The following NSUN6 variants were observed in gnomAD, a reference collection of about 807,000 sequenced individuals.
NSUN6 encodes the protein tRNA (cytosine(72)-C(5))-methyltransferase NSUN6.
A neutral mutation model predicts 58.0 loss-of-function variants in NSUN6; 64 were observed. The ratio of observed to expected loss-of-function variants is 1.10; its 90% CI spans 0.90 to 1.36. The LOEUF is 1.36. Ranked by LOEUF, NSUN6 falls within the 40% of genes most tolerant of loss-of-function variation. The pLI is 0.00. For missense variants in NSUN6, 701 were observed against 550.1 expected, an observed-to-expected ratio of 1.27 and a Z score of -2.74; for synonymous variants, 231 against 193.9, an observed-to-expected ratio of 1.19 and a Z score of -1.59.
intron 3 of NSUN6, among the ~76,000 whole-genome samples, chr10:18,630,890 C>G (rs1442730436): frequency 6.6e-6 from 1 of 151,998 alleles, no homozygotes; most frequent in Non-Finnish European, 1.5e-5. Flanking sequence ...GGAATCCTCC[C>G]TAACTCATTT....
chr10:18,623,823 TCA>T (rs1430043298), intron 3 of NSUN6, among the ~76,000 whole-genome samples: 3 of 152,278 alleles, frequency 2.0e-5, no homozygotes, highest in Admixed American at 6.5e-5. Flanking sequence ...GCTAAAGCCT[TCA>T]CAGAGAGCCT....
chr10:18,561,452 T>C (rs1286556150), intron 8 of NSUN6, among the ~76,000 whole-genome samples: 1 of 94,560 alleles, frequency 1.1e-5, no homozygotes, highest in East Asian at 7.6e-4. Context: ...GAATGGAGAA[T>C]GGAATGGAAT....
chr10:18,611,229 C>T (rs1167912179), intron 5 of NSUN6, among the ~76,000 whole-genome samples: 1 of 152,024 alleles, frequency 6.6e-6, no homozygotes, highest in South Asian at 2.1e-4. Flanking sequence ...AAAATCATAA[C>T]TTATACCTAG....
intron 3 of NSUN6, among the ~76,000 whole-genome samples, chr10:18,637,623 T>G (rs2059261587): frequency 6.6e-6 from 1 of 152,230 alleles, no homozygotes; most frequent in Non-Finnish European, 1.5e-5. Flanking sequence ...GGTTATTCTG[T>G]GTCATATCAG....
chr10:18,625,442 G>A (rs1162268619), intron 3 of NSUN6, among the ~76,000 whole-genome samples: 2 of 152,136 alleles, frequency 1.3e-5, no homozygotes, highest in African/African-American at 4.8e-5. Context: ...GCTGAGTGTG[G>A]TGGCTCACAC....
At chr10:18,575,190 G>A (rs1160439799) in intron 8 of NSUN6, among the ~76,000 whole-genome samples, 1 of 152,170 alleles carries the variant, frequency 6.6e-6, no homozygotes, top group Non-Finnish European at 1.5e-5. Context: ...ATAATTCTCA[G>A]AGTTTATGGT....
At chr10:18,626,011 C>G (rs1365191824) in intron 3 of NSUN6, among the ~76,000 whole-genome samples, 1 of 152,008 alleles carries the variant, frequency 6.6e-6, no homozygotes, top group African/African-American at 2.4e-5. Context: ...AAAAAGGCAA[C>G]AGGCAGACAT....
intron 8 of NSUN6, among the ~76,000 whole-genome samples, chr10:18,578,423 G>A (rs753334147): frequency 2.0e-5 from 3 of 151,822 alleles, no homozygotes; most frequent in South Asian, 2.1e-4. Context: ...TAGTAGAGAT[G>A]GGGGTTTCAC....
intron 8 of NSUN6, among the ~76,000 whole-genome samples, chr10:18,569,296 T>C (rs1373518767): frequency 6.6e-6 from 1 of 151,264 alleles, no homozygotes; most frequent in Non-Finnish European, 1.5e-5. Flanking sequence ...CATCCTCCAT[T>C]CCATTCCATT....
At chr10:18,599,595 T>G (rs1381283411) in intron 6 of NSUN6, among the ~76,000 whole-genome samples, 1 of 152,138 alleles carries the variant, frequency 6.6e-6, no homozygotes, top group Non-Finnish European at 1.5e-5. Context: ...GCGCCACTGC[T>G]GGACTACACT....
chr10:18,593,901 T>G (rs1233307764), intron 7 of NSUN6, among the ~76,000 whole-genome samples: 1 of 149,854 alleles, frequency 6.7e-6, no homozygotes, highest in Non-Finnish European at 1.5e-5. Flanking sequence ...GGGCCAAAAT[T>G]TTAAGAATGC....
At chr10:18,591,850 A>G (rs2057390020) in intron 7 of NSUN6, among the ~76,000 whole-genome samples, 1 of 152,140 alleles carries the variant, frequency 6.6e-6, no homozygotes, top group Non-Finnish European at 1.5e-5. Context: ...TCAACATAGT[A>G]TTGGAAGCTC....
intron 7 of NSUN6, among the ~76,000 whole-genome samples, chr10:18,595,371 T>G (rs952289786): frequency 2.0e-5 from 3 of 152,250 alleles, no homozygotes; most frequent in African/African-American, 7.2e-5. Flanking sequence ...AATAATTACC[T>G]TTAAGCAAAT....
intron 7 of NSUN6, among the ~76,000 whole-genome samples, chr10:18,587,917 T>C (rs1323927162): frequency 6.6e-6 from 1 of 151,942 alleles, no homozygotes; most frequent in Non-Finnish European, 1.5e-5. Context: ...GGAACCCCAG[T>C]AAGACAGAAC....
At chr10:18,582,948 T>A (rs1414335210) in intron 8 of NSUN6, among the ~76,000 whole-genome samples, 1 of 152,156 alleles carries the variant, frequency 6.6e-6, no homozygotes, top group Non-Finnish European at 1.5e-5. Flanking sequence ...TTACGATGTA[T>A]TTGTCAGGCC....
At chr10:18,643,096 G>A (rs1014332997) in intron 2 of NSUN6, among the ~76,000 whole-genome samples, 4 of 151,882 alleles carry the variant, frequency 2.6e-5, no homozygotes, top group Non-Finnish European at 1.5e-5. Context: ...ACCAGCTCAG[G>A]AGAGCCACTG....
At chr10:18,555,089 G>A (rs1156414989) in intron 8 of NSUN6, among the ~76,000 whole-genome samples, 1 of 150,382 alleles carries the variant, frequency 6.6e-6, no homozygotes, top group South Asian at 2.1e-4. Context: ...AAGGAATAGA[G>A]AATGGAATGG....
In NSUN6 at chr10:18,545,623, G is replaced by C. The variant is rs1303038775; in HGVS notation, c.*310C>G. ...TAATTTTTAACATTAAAAATGACTTGTACACTTTACAAATTAAAACATTAG... is the reference window on the plus strand; with the variant it reads ...TAATTTTTAACATTAAAAATGACTTCTACACTTTACAAATTAAAACATTAG... On this transcript the variant is annotated 3_prime_UTR_variant, in exon 11 of 11. Transcript: ENST00000377304. 1 of 203,780 alleles carries C rather than the reference G, an allele frequency of 4.9e-6. No individual in the cohort carries two copies. Among genetic ancestry groups the C allele is most frequent in the South Asian group, 1.1e-4 (1 of 9,406 alleles). The allele number at this position is 203,780 out of a possible 1,614,324, so 12.6% of individuals were successfully genotyped here.
intron 6 of NSUN6, among the ~76,000 whole-genome samples, chr10:18,603,468 C>CTTTTTTTTTTT (rs1465029374): frequency 6.7e-6 from 1 of 149,608 alleles, no homozygotes; most frequent in Non-Finnish European, 1.5e-5. Flanking sequence ...TTTTTCTTTT[C>CTTTTTTTTTTT]TTTTCTTTTC....
Sources: allele counts gnomAD v4.1 joint callset (sites outside exome capture counted in the v4.1 genomes callset), GRCh38; gene constraint gnomAD v4.1.1; transcripts MANE v1.5; gene names NCBI Gene and HGNC (gene_info 2026-07-23, HGNC 2026-07-21).